The following BSN variants were observed in gnomAD, a reference collection of about 807,000 sequenced individuals.
The protein encoded by BSN is protein bassoon.
In BSN, 57 loss-of-function variants were observed where a neutral mutation model predicts 264.8. The ratio of observed to expected loss-of-function variants is 0.22; its 90% CI spans 0.17 to 0.27. BSN has a LOEUF of 0.27. BSN is among the 10% of genes least tolerant of loss of function. The probability of loss-of-function intolerance (pLI) is 1.00; values close to 1 mark genes in which losing one functional copy is unlikely to be tolerated. For synonymous variants in BSN, 2,059 were observed against 2,137.3 expected (o/e 0.96, Z 1.01); for missense variants, 4,615 against 5,232.5 (o/e 0.88, Z 3.64).
chr3:49,625,096 G>A lies in BSN; in HGVS notation c.346G>A (p.Gly116Arg), dbSNP rs1362860215. The A allele has an allele frequency of 6.2e-7, 1 of 1,603,976 alleles. No individual in the cohort carries two copies. ...GAGCCCCCGAGAGACAAGGGCACAG[G>A]GACCAGCAGGCCAGGAGGCTGATGG... is the stretch of plus-strand genomic sequence containing the variant. ...HESPRETRAQGPAGQEADGPR... is the reference protein window; with the variant it reads ...HESPRETRAQRPAGQEADGPR... The change falls in exon 2 of 12, where the codon GGA becomes AGA. Residue 116 changes from glycine to arginine, a missense_variant. Coordinates refer to ENST00000296452, the MANE Select transcript of BSN (RefSeq NM_003458.4). This position sits in a 1 kb window ranked among gnomAD's most constrained non-coding sequence, Gnocchi z 4.4.
At chr3:49,586,619 G>A (rs1166483533) in intron 1 of BSN, among the ~76,000 whole-genome samples, 1 of 152,236 alleles carries the variant, frequency 6.6e-6, no homozygotes, top group African/African-American at 2.4e-5. Context: ...GGGATTACTG[G>A]TGTGAGACAC....
At chr3:49,639,445 G>A (rs1575444467) in intron 2 of BSN, among the ~76,000 whole-genome samples, 1 of 152,046 alleles carries the variant, frequency 6.6e-6, no homozygotes, top group South Asian at 2.1e-4. Context: ...TGATCCGCCC[G>A]CCTCTGCCTC....
In BSN at chr3:49,652,747, A is replaced by G. The variant is rs1359242791; in HGVS notation, c.3191A>G (p.Gln1064Arg). 6.4e-7 allele frequency: 1 copy of G among 1,557,786 alleles called. No individual in the cohort carries two copies. The highest frequency in any genetic ancestry group is 1.9e-5 in the Admixed American group (1 of 52,632). The change falls in exon 5 of 12, where the codon CAG becomes CGG. Residue 1064 changes from glutamine to arginine, a missense_variant. Coordinates refer to ENST00000296452, the MANE Select transcript of BSN (RefSeq NM_003458.4). ...CAAGAGAAGATGCGGGAGGTGGAGC[A>G]GCAGCGCATCCGCAGCACGGCCCGC... ...REQEKMREVE[Q>R]QRIRSTARKT... is the part of the protein sequence containing the mutation.
At chr3:49,662,620 C>A (rs1357584601) in intron 6 of BSN, 58 bp downstream of exon 6, 8 of 1,536,996 alleles carry the variant, frequency 5.2e-6, no homozygotes, top group Non-Finnish European at 7.0e-6. Flanking sequence ...GCCTGCCTAC[C>A]TGTGGGGCCC....
intron 3 of BSN, among the ~76,000 whole-genome samples, chr3:49,647,211 C>T (rs1331096192): frequency 1.3e-5 from 2 of 152,200 alleles, no homozygotes; most frequent in South Asian, 2.1e-4. Flanking sequence ...TCCTGGCTCA[C>T]AAGGCACAAT....
In BSN at chr3:49,653,618, C is replaced by G; in HGVS notation, c.4062C>G (p.Leu1354=). ...TTGCAAAGGAGACTCAGGACCCCCT[C>G]AAGCTGCACAGCTCTCCTGCCTCCC... is the stretch of plus-strand genomic sequence containing the variant. The part of the protein sequence containing the change: ...QHFAKETQDP[L]KLHSSPASPS... Residue 1354 remains leucine, a synonymous_variant, in exon 5 of 12, where the codon CTC becomes CTG. Transcript: ENST00000296452. This position sits in a 1 kb window ranked among gnomAD's most constrained non-coding sequence, Gnocchi z 6.3. 6.2e-7 allele frequency: 1 copy of G among 1,613,774 alleles called. No individual in the cohort carries two copies. The highest frequency in any genetic ancestry group is 8.5e-7 in the Non-Finnish European group (1 of 1,179,972).
intron 10 of BSN, 132 bp downstream of exon 10, chr3:49,664,985 G>A: frequency 1.4e-6 from 1 of 698,112 alleles, no homozygotes; most frequent in South Asian, 1.7e-5. Context: ...ACCCAGAGCT[G>A]CAATGTTCCC....
chr3:49,662,921 G>A lies in BSN; in HGVS notation c.10763G>A (p.Arg3588Gln), dbSNP rs777449835. Residue 3588 changes from arginine (R) to glutamine (Q), a missense_variant, in exon 7 of 12, where the codon CGG becomes CAG. Coordinates refer to ENST00000296452, the MANE Select transcript of BSN (RefSeq NM_003458.4). ...GAGACGGACTGGTTTGATAAGCCCC[G>A]GGATGCCCGCTCTGACCGGTTCAGG... The part of the protein sequence containing the change: ...QEETDWFDKP[R>Q]DARSDRFRHH... 9.3e-6 allele frequency: 15 copies of A among 1,609,834 alleles called. No homozygotes were observed. Among genetic ancestry groups the A allele is most frequent in the South Asian group, 8.8e-5 (8 of 90,588 alleles).
chr3:49,615,395 C>T (rs1395888333), intron 1 of BSN, among the ~76,000 whole-genome samples: 1 of 152,198 alleles, frequency 6.6e-6, no homozygotes, highest in Non-Finnish European at 1.5e-5. Flanking sequence ...TTGTCCCCAG[C>T]TCTACCAAGG....
At chr3:49,559,475 C>G (rs757926743) in intron 1 of BSN, among the ~76,000 whole-genome samples, 31 of 152,178 alleles carry the variant, frequency 2.0e-4, no homozygotes, top group South Asian at 4.1e-4. Flanking sequence ...TTTGCATGAA[C>G]ATAACCACAG....
chr3:49,666,983 G>C (rs970933766), intron 11 of BSN, among the ~76,000 whole-genome samples: 2 of 152,204 alleles, frequency 1.3e-5, no homozygotes, highest in Admixed American at 6.5e-5. Flanking sequence ...TGCTGAAAGT[G>C]GGGGAAGGAG....
At chr3:49,608,986 GA>G (rs1479812374) in intron 1 of BSN, among the ~76,000 whole-genome samples, 1 of 151,896 alleles carries the variant, frequency 6.6e-6, no homozygotes, top group Non-Finnish European at 1.5e-5. Flanking sequence ...ATGAGGCCAT[GA>G]AAAGTCTGCA....
Position 49,656,661 on chromosome 3 carries a change from C to A in BSN, c.7105C>A (p.Gln2369Lys), listed in dbSNP as rs749378717. The A allele has an allele frequency of 3.1e-6, 5 of 1,607,050 alleles. No homozygotes were observed. Among genetic ancestry groups the A allele is most frequent in the Non-Finnish European group, 4.2e-6 (5 of 1,176,996 alleles). ...ACAGGAGGAGAGGCAGCGGAAGCAA[C>A]AGGAGCAGCTGCTCCAGCTAGAGCG... ...ASQEERQRKQQEQLLQLERER... is the reference protein window; with the variant it reads ...ASQEERQRKQKEQLLQLERER... Residue 2369 changes from glutamine to lysine, a missense_variant, in exon 5 of 12, where the codon CAG (glutamine) becomes AAG (lysine). Transcript: ENST00000296452.
Position 49,652,237 on chromosome 3 carries a change from A to G in BSN, c.2681A>G (p.Lys894Arg). 6.2e-7 allele frequency: 1 copy of G among 1,608,004 alleles called. No individual in the cohort carries two copies. The highest frequency in any genetic ancestry group is 8.5e-7 in the Non-Finnish European group (1 of 1,176,592). The change falls in exon 5 of 12, where the codon AAG becomes AGG. Residue 894 changes from lysine (K) to arginine (R), a missense_variant. Around this residue, in one of 3 missense-constraint regions of BSN, gnomAD observed 1,197 missense variants for 1,348.0 expected, o/e 0.89. Transcript: ENST00000296452. ...AGCCAAGAACCAGCAGCACTGCCCA[A>G]GAGGCGCCTGCCCCACAATGCCACC... is the stretch of plus-strand genomic sequence containing the variant. ...EPSQEPAALP[K>R]RRLPHNATTG...
rs568504998 is a variant in BSN, at chr3:49,563,047, G to A, written c.224+8221G>A. 5.3e-5 allele frequency among the ~76,000 whole-genome samples: 8 copies of A among 152,296 alleles called. No homozygotes were observed. The South Asian group carries it at 1.7e-3, about 32-fold the overall frequency. ...GGGTGATGCTTCCCATTTTTCTTCA[G>A]CTCTATTGAGCATAGAAAACAAGGT... On this transcript the variant is annotated intron_variant, in intron 1 of 11. Coordinates refer to ENST00000296452, the MANE Select transcript of BSN (RefSeq NM_003458.4).
rs748196850 is a variant in BSN, at chr3:49,625,434, C to T, written c.633+51C>T. On this transcript the variant is annotated intron_variant, in intron 2 of 11. Coordinates refer to ENST00000296452, the MANE Select transcript of BSN (RefSeq NM_003458.4). This position sits in a 1 kb window ranked among gnomAD's most constrained non-coding sequence, Gnocchi z 4.4. ...ACTCACCTGCTACCTCATTACCATACCTCCCCTGGTTCCCTTCCCCTCTTT... is the reference window on the plus strand; with the variant it reads ...ACTCACCTGCTACCTCATTACCATATCTCCCCTGGTTCCCTTCCCCTCTTT... 2.1e-6 allele frequency: 3 copies of T among 1,404,492 alleles called. No individual in the cohort carries two copies. Among genetic ancestry groups the T allele is most frequent in the Non-Finnish European group, 2.8e-6 (3 of 1,077,142 alleles). 87.0% of individuals were successfully genotyped at this position (1,404,492 alleles called of 1,614,324 possible). A position where few individuals can be genotyped will look rare whatever the true frequency, so the allele number is the denominator to read the frequency against.
At position 49,642,849 on chromosome 3, in the gene BSN, G is replaced by C; in HGVS notation, c.1215G>C (p.Gly405=). 6.2e-7 allele frequency: 1 copy of C among 1,613,462 alleles called. No individual in the cohort carries two copies. The highest frequency in any genetic ancestry group is 2.2e-5 in the East Asian group (1 of 44,880). Residue 405 remains glycine (G), a synonymous_variant, in exon 3 of 12, where the codon GGG becomes GGC. Transcript: ENST00000296452. This position sits in a 1 kb window ranked among gnomAD's most constrained non-coding sequence, Gnocchi z 7.0. ...CAAAACCCTTGGGCTCAGGGCCCGG[G>C]CCTGGGCCAGCACCTGGAGCCAAAA... ...AGPKPLGSGP[G]PGPAPGAKTE...
intron 3 of BSN, among the ~76,000 whole-genome samples, chr3:49,644,371 C>T (rs1364453218): frequency 6.6e-6 from 1 of 152,176 alleles, no homozygotes; most frequent in Non-Finnish European, 1.5e-5. Flanking sequence ...TCTGACTTCC[C>T]TTGGGCCAGG....
intron 1 of BSN, among the ~76,000 whole-genome samples, chr3:49,568,312 AAAC>A (rs1394968979): frequency 6.6e-6 from 1 of 152,244 alleles, no homozygotes; most frequent in East Asian, 1.9e-4. Flanking sequence ...AAAGAATTGA[AAAC>A]AACAATGGCA....
Sources: allele counts gnomAD v4.1 joint callset (sites outside exome capture counted in the v4.1 genomes callset), GRCh38; gene constraint gnomAD v4.1.1; regional missense constraint gnomAD v4.1.1; non-coding constraint Gnocchi (gnomAD v3.1); transcripts MANE v1.5; gene names NCBI Gene and HGNC (gene_info 2026-07-23, HGNC 2026-07-21).